Variants in LTBR observed in about 807,000 individuals in gnomAD.
The protein encoded by LTBR is lymphotoxin beta receptor.
A neutral mutation model predicts 45.4 loss-of-function variants in LTBR; 15 were observed. That is an observed-to-expected ratio of 0.33 (90% CI 0.22 to 0.51). The LOEUF is 0.51. Ranked by LOEUF, LTBR falls within the 20% of genes least tolerant of loss-of-function variation. LTBR has a pLI of 0.97. For missense variants in LTBR, 450 were observed against 565.5 expected (o/e 0.80, Z 2.07); for synonymous variants, 228 against 231.0 (o/e 0.99, Z 0.12).
upstream of LTBR, chr12:6,384,090 C>T (rs12827112): frequency 7.9e-7 from 1 of 1,259,424 alleles, no homozygotes; most frequent in Non-Finnish European, 1.0e-6. Context: ...TTCCTCTTCC[C>T]TGGGCTGCGA....
intron 1 of LTBR, among the ~76,000 whole-genome samples, chr12:6,376,718 G>A (rs1948917442): frequency 6.6e-6 from 1 of 152,170 alleles, no homozygotes; most frequent in African/African-American, 2.4e-5. Context: ...GGAGACTCGG[G>A]AGAGCCACCC....
At chr12:6,375,948 C>A in intron 1 of LTBR, 6 of 1,044,766 alleles carry the variant, frequency 5.7e-6, no homozygotes, top group Non-Finnish European at 6.9e-6. Flanking sequence ...AGGAGGGGCA[C>A]TGAGTGAGTA....
chr12:6,388,804 G>T lies in LTBR; in HGVS notation c.780G>T (p.Ser260=). The change falls in exon 8 of 10, where the codon TCG becomes TCT. Residue 260 remains serine, a synonymous_variant. Transcript: ENST00000228918. The surrounding 1 kb of genome is among the most constrained non-coding windows in gnomAD (Gnocchi z 4.3). ...CCATTTCATTCTCCATTGCAGGATC[G>T]CTGCTCAAGAGGCGTCCGCAGGTAA... ...SHPSLCRKLG[S]LLKRRPQGEG... 6 of 1,614,106 alleles carry T rather than the reference G, an allele frequency of 3.7e-6. No homozygotes were observed. Among genetic ancestry groups the T allele is most frequent in the East Asian group, 2.2e-5 (1 of 44,888 alleles).
At chr12:6,389,969 GAGAGAGAGAGAA>G (rs1285935586) in intron 8 of LTBR, 131 bp from the exon 9 acceptor site, 4 of 625,626 alleles carry the variant, frequency 6.4e-6, no homozygotes, top group Non-Finnish European at 1.1e-5. Flanking sequence ...AAGAAAGAAA[GAGAGAGAGAGAA>G]AGAGAGAGAG....
chr12:6,389,919 T>C, intron 8 of LTBR, 193 bp from the exon 9 acceptor site: 1 of 590,254 alleles, frequency 1.7e-6, no homozygotes. Context: ...ATTGCACCAC[T>C]GCACTGTAGC....
At chr12:6,379,673 G>C (rs908134578), upstream of LTBR, among the ~76,000 whole-genome samples, 3 of 152,202 alleles carry the variant, frequency 2.0e-5, no homozygotes, top group African/African-American at 7.2e-5. Flanking sequence ...GCTCACGCCT[G>C]TAATCCCAGC....
In LTBR at chr12:6,385,354, G is replaced by T. The variant is rs922266161; in HGVS notation, c.447G>T (p.Pro149=). The change falls in exon 4 of 10, where the codon CCG becomes CCT. Residue 149 remains proline, a synonymous_variant. Transcript: ENST00000228918. ...CTHCELLSDC[P]PGTEAELKDE... is the part of the protein sequence containing the mutation. ...ACTGCGAGCTACTTTCTGACTGCCC[G>T]CCTGGCACTGAAGCCGAGCTCAAAG... 9 of 1,613,992 alleles carry T rather than the reference G, an allele frequency of 5.6e-6. No homozygotes were observed. The highest frequency in any genetic ancestry group is 7.6e-6 in the Non-Finnish European group (9 of 1,180,044).
At chr12:6,384,769 G>A in intron 2 of LTBR, 85 bp downstream of exon 2, 1 of 1,322,130 alleles carries the variant, frequency 7.6e-7, no homozygotes, top group Non-Finnish European at 1.1e-6. Context: ...AGGGAAGGTG[G>A]GCACTGTCCC....
In LTBR at chr12:6,384,860, G is replaced by T. The variant is rs937773862; in HGVS notation, c.194-162G>T. On this transcript the variant is annotated intron_variant, in intron 2 of 9. Transcript: ENST00000228918. ...GAGATGGGACTGGCCCTCCCCACTG[G>T]GCCTCCTCTTTCCTTACCTCACTGA... 5.8e-6 allele frequency: 6 copies of T among 1,039,120 alleles called. No individual in the cohort carries two copies. The African/African-American group carries it at 9.4e-5, about 16-fold the overall frequency. 64.4% of individuals were successfully genotyped at this position (1,039,120 alleles called of 1,614,324 possible). A position where few individuals can be genotyped will look rare whatever the true frequency, so the allele number is the denominator to read the frequency against.
Position 6,384,219 on chromosome 12 carries a change from G to A in LTBR, c.-140G>A, listed in dbSNP as rs1239443873. On this transcript the variant is annotated 5_prime_UTR_variant, in exon 1 of 10. Coordinates refer to ENST00000228918, the MANE Select transcript of LTBR (RefSeq NM_002342.3). The stretch of plus-strand genomic sequence containing the variant: ...CTGGAGGCCCGGCCTGGCCGCTCCC[G>A]GCCCTGGGGTGCACATCGGCCCTGA... 43 of 1,317,918 alleles carry A rather than the reference G, an allele frequency of 3.3e-5. No individual in the cohort carries two copies. The highest frequency in any genetic ancestry group is 3.0e-5 in the East Asian group (1 of 32,916). 81.6% of individuals were successfully genotyped at this position (1,317,918 alleles called of 1,614,324 possible). A position where few individuals can be genotyped will look rare whatever the true frequency, so the allele number is the denominator to read the frequency against.
rs112914665 is a variant in LTBR, at chr12:6,385,173, G to T, written c.319+26G>T. 45 of 1,614,084 alleles carry T rather than the reference G, an allele frequency of 2.8e-5. No homozygotes were observed. In the African/African-American group the frequency reaches 5.3e-4, roughly 19 times the overall value. ...GTGAGTGGGGATGTGCCTGCGGGGG[G>T]GCTGGATCCCCTGGAGCTTGGCCCC... is the stretch of plus-strand genomic sequence containing the variant. On this transcript the variant is annotated intron_variant, in intron 3 of 9. Coordinates refer to ENST00000228918, the MANE Select transcript of LTBR (RefSeq NM_002342.3).
At chr12:6,377,454 A>C (rs1299839084) in intron 1 of LTBR, 2 of 664,152 alleles carry the variant, frequency 3.0e-6, no homozygotes, top group East Asian at 5.5e-5. Context: ...TTACTTCCTG[A>C]GACAGACTCA....
Position 6,390,808 on chromosome 12 carries a change from C to T in LTBR, c.1179C>T (p.Asp393=), listed in dbSNP as rs746604899. 8 of 1,611,288 alleles carry T rather than the reference C, an allele frequency of 5.0e-6. No individual in the cohort carries two copies. In the Admixed American group the frequency reaches 1.2e-4, roughly 24 times the overall value. The change falls in exon 10 of 10, where the codon GAC becomes GAT. Residue 393 remains aspartate, a synonymous_variant. Coordinates refer to ENST00000228918, the MANE Select transcript of LTBR (RefSeq NM_002342.3). The part of the protein sequence containing the change: ...EPPYPIPEEG[D]PGPPGLSTPH... ...CATACCCCATTCCCGAAGAGGGGGA[C>T]CCTGGCCCTCCCGGGCTCTCTACAC...
chr12:6,375,864 G>A, intron 1 of LTBR: 1 of 1,313,374 alleles, frequency 7.6e-7, no homozygotes, highest in Non-Finnish European at 9.7e-7. Context: ...CCTGGGTGGG[G>A]AACCGGGAGG....
intron 2 of LTBR, 127 bp from the exon 3 acceptor site, chr12:6,384,895 G>T (rs902972199): frequency 1.5e-6 from 2 of 1,301,334 alleles, no homozygotes; most frequent in Middle Eastern, 2.5e-4. Flanking sequence ...AGAGGGAGCC[G>T]GAGGGCCACT....
Position 6,384,209 on chromosome 12 carries a change from G to A in LTBR, c.-150G>A. 3 of 1,320,512 alleles carry A rather than the reference G, an allele frequency of 2.3e-6. No homozygotes were observed. Among genetic ancestry groups the A allele is most frequent in the South Asian group, 2.2e-5 (1 of 45,018 alleles). 81.8% of individuals were successfully genotyped at this position (1,320,512 alleles called of 1,614,324 possible). A position where few individuals can be genotyped will look rare whatever the true frequency, so the allele number is the denominator to read the frequency against. ...CATGGGAGCCCTGGAGGCCCGGCCT[G>A]GCCGCTCCCGGCCCTGGGGTGCACA... On this transcript the variant is annotated 5_prime_UTR_variant, in exon 1 of 10. Coordinates refer to ENST00000228918, the MANE Select transcript of LTBR (RefSeq NM_002342.3).
chr12:6,377,041 G>T (rs1299138104), intron 1 of LTBR: 4 of 526,448 alleles, frequency 7.6e-6, no homozygotes, highest in Non-Finnish European at 1.3e-5. Flanking sequence ...GGGGCTCACT[G>T]CAGGAGACTC....
chr12:6,390,463 T>A, intron 9 of LTBR, 123 bp downstream of exon 9: 1 of 993,152 alleles, frequency 1.0e-6, no homozygotes, highest in East Asian at 2.5e-5. Flanking sequence ...CCGCTGCCAG[T>A]CAGTGTCACA....
chr12:6,384,278 C>A lies in LTBR; in HGVS notation c.-81C>A. 1.4e-6 allele frequency: 2 copies of A among 1,420,774 alleles called. No individual in the cohort carries two copies. Among genetic ancestry groups the A allele is most frequent in the Non-Finnish European group, 1.8e-6 (2 of 1,092,802 alleles). 88.0% of individuals were successfully genotyped at this position (1,420,774 alleles called of 1,614,324 possible). On this transcript the variant is annotated 5_prime_UTR_variant, in exon 1 of 10. Transcript: ENST00000228918. ...CCAGGCTCTGGGCTCGGGCAGCCGCCGCCACCGCTGCCCAGGACGTCGGGC... is the reference window on the plus strand; with the variant it reads ...CCAGGCTCTGGGCTCGGGCAGCCGCAGCCACCGCTGCCCAGGACGTCGGGC...
Sources: gnomAD v4.1 joint callset for allele counts (sites outside exome capture counted in the v4.1 genomes callset) on GRCh38, gnomAD v4.1.1 for gene constraint, Gnocchi (gnomAD v3.1) non-coding constraint, MANE v1.5 for transcripts, NCBI Gene and HGNC (gene_info 2026-07-23, HGNC 2026-07-21) for gene names.